Variants in SUMF1 observed in about 807,000 individuals in gnomAD.
SUMF1 encodes the protein sulfatase modifying factor 1.
In SUMF1, 48 loss-of-function variants were observed where a neutral mutation model predicts 47.6. That is an observed-to-expected ratio of 1.01 (90% confidence interval 0.80 to 1.28). SUMF1 has a LOEUF of 1.28. Ranked by LOEUF, SUMF1 falls within the 50% of genes most tolerant of loss-of-function variation. The probability of loss-of-function intolerance (pLI) is 0.00; values close to 1 mark genes in which losing one functional copy is unlikely to be tolerated. For synonymous variants in SUMF1, 230 were observed against 192.1 expected, an observed-to-expected ratio of 1.20 and a Z score of -1.63; for missense variants, 571 against 485.4, an observed-to-expected ratio of 1.18 and a Z score of -1.66.
chr3:4,347,557 C>T (rs1699398399), intron 8 of SUMF1, among the ~76,000 whole-genome samples: 1 of 152,194 alleles, frequency 6.6e-6, no homozygotes, highest in South Asian at 2.1e-4. Flanking sequence ...CTATTTATGT[C>T]AAACCCACAG....
At chr3:4,039,934 G>A (rs183800594) in intron 9 of SUMF1, among the ~76,000 whole-genome samples, 22 of 152,180 alleles carry the variant, frequency 1.4e-4, no homozygotes, top group Middle Eastern at 3.4e-3. Context: ...GAGATAGGAG[G>A]ATCACTTGAG....
At chr3:4,386,368 G>A (rs1232251853) in intron 7 of SUMF1, among the ~76,000 whole-genome samples, 1 of 152,112 alleles carries the variant, frequency 6.6e-6, no homozygotes, top group African/African-American at 2.4e-5. Flanking sequence ...TGGTTTTGGT[G>A]ACTGTAAATG....
chr3:4,173,639 T>G (rs1161340794), intron 8 of SUMF1, among the ~76,000 whole-genome samples: 2 of 152,112 alleles, frequency 1.3e-5, no homozygotes, highest in African/African-American at 4.8e-5. Context: ...CAAATGCCCA[T>G]CAATGATAGA....
At chr3:4,461,658 C>T (rs1559316352) in intron 1 of SUMF1, among the ~76,000 whole-genome samples, 1 of 151,690 alleles carries the variant, frequency 6.6e-6, no homozygotes, top group African/African-American at 2.4e-5. Context: ...CATTAACCAT[C>T]AGAGATAGCC....
chr3:4,371,010 C>T (rs930983615), intron 8 of SUMF1, among the ~76,000 whole-genome samples: 4 of 152,180 alleles, frequency 2.6e-5, no homozygotes, highest in Non-Finnish European at 5.9e-5. Context: ...AGGGCCATCA[C>T]TTGAGAAAAC....
At chr3:4,428,241 A>G (rs956600512) in intron 3 of SUMF1, among the ~76,000 whole-genome samples, 2 of 152,206 alleles carry the variant, frequency 1.3e-5, no homozygotes, top group African/African-American at 4.8e-5. Context: ...ATATATAGAG[A>G]CACCCACCCA....
At chr3:4,302,119 G>A (rs144585203) in intron 8 of SUMF1, among the ~76,000 whole-genome samples, 39 of 152,208 alleles carry the variant, frequency 2.6e-4, no homozygotes, top group Non-Finnish European at 4.9e-4. Flanking sequence ...AAAATTATCT[G>A]AGACAGGTCT....
At chr3:4,301,994 ACAGT>A (rs561559062) in intron 8 of SUMF1, among the ~76,000 whole-genome samples, 159 of 152,340 alleles carry the variant, frequency 1.0e-3, no homozygotes, top group African/African-American at 3.5e-3. Flanking sequence ...CTTTTCAGAA[ACAGT>A]CAGGCAGGAA....
chr3:4,231,554 C>G (rs1320364348), intron 8 of SUMF1, among the ~76,000 whole-genome samples: 5 of 152,130 alleles, frequency 3.3e-5, no homozygotes, highest in African/African-American at 1.2e-4. Flanking sequence ...AAGAGCAGGT[C>G]ACAGAGGTAT....
intron 8 of SUMF1, among the ~76,000 whole-genome samples, chr3:4,328,985 G>T (rs1698998525): frequency 6.6e-6 from 1 of 152,172 alleles, no homozygotes; most frequent in African/African-American, 2.4e-5. Flanking sequence ...ATCCAGCAGG[G>T]CAGCCAAATC....
intron 8 of SUMF1, among the ~76,000 whole-genome samples, chr3:4,177,871 C>G (rs1413777375): frequency 6.6e-6 from 1 of 152,084 alleles, no homozygotes; most frequent in Non-Finnish European, 1.5e-5. Flanking sequence ...CACCACCAAT[C>G]CCACAGAAAT....
intron 8 of SUMF1, among the ~76,000 whole-genome samples, chr3:4,178,794 A>C: frequency 6.6e-6 from 1 of 152,304 alleles, no homozygotes. Context: ...AGAAAACCCC[A>C]CAGTCTCAGC....
intron 8 of SUMF1, among the ~76,000 whole-genome samples, chr3:4,220,656 AC>A (rs1272463992): frequency 6.6e-6 from 1 of 152,056 alleles, no homozygotes. Context: ...AAATCATATC[AC>A]CCTAGAATTT....
chr3:4,316,776 A>G (rs1156640814), intron 8 of SUMF1: 4 of 1,550,686 alleles, frequency 2.6e-6, no homozygotes, highest in Non-Finnish European at 3.5e-6. Context: ...CTTGCACCCA[A>G]AAAAGGTCAT....
chr3:4,292,277 C>T (rs1036366348), intron 8 of SUMF1, among the ~76,000 whole-genome samples: 1 of 152,114 alleles, frequency 6.6e-6, no homozygotes, highest in African/African-American at 2.4e-5. Context: ...TACACATAGG[C>T]TAAAACGAAT....
intron 8 of SUMF1, among the ~76,000 whole-genome samples, chr3:4,278,684 T>C (rs1436839367): frequency 6.6e-6 from 1 of 152,122 alleles, no homozygotes; most frequent in Non-Finnish European, 1.5e-5. Flanking sequence ...CAAGATTAGA[T>C]AAATTAACAA....
At chr3:4,310,358 A>C (rs1419363569) in intron 8 of SUMF1, among the ~76,000 whole-genome samples, 1 of 152,232 alleles carries the variant, frequency 6.6e-6, no homozygotes, top group African/African-American at 2.4e-5. Context: ...TTTTCAAAAG[A>C]TTATTCTTGA....
intron 9 of SUMF1, among the ~76,000 whole-genome samples, chr3:4,039,469 G>A (rs1297700402): frequency 6.7e-5 from 8 of 119,072 alleles, no homozygotes; most frequent in Non-Finnish European, 1.2e-4. Flanking sequence ...GAGAATATGC[G>A]GTGTTTGGTT....
At chr3:4,139,580 G>A (rs1462310144) in intron 8 of SUMF1, among the ~76,000 whole-genome samples, 3 of 143,684 alleles carry the variant, frequency 2.1e-5, no homozygotes, top group African/African-American at 7.6e-5. Flanking sequence ...GTGTGTGTGT[G>A]TATATATATA....
Sources: gnomAD v4.1 joint callset for allele counts (sites outside exome capture counted in the v4.1 genomes callset) on GRCh38, gnomAD v4.1.1 for gene constraint, MANE v1.5 for transcripts, NCBI Gene and HGNC (gene_info 2026-07-23, HGNC 2026-07-21) for gene names.